Variants in MSR1 observed in about 807,000 individuals in gnomAD.
MSR1 encodes the protein macrophage scavenger receptor types I and II.
A neutral mutation model predicts 47.2 loss-of-function variants in MSR1; 53 were observed. The observed-to-expected ratio is 1.12, with a 90% CI of 0.90 to 1.41. The LOEUF (loss-of-function observed/expected upper bound fraction) is 1.41, where lower values mean the gene tolerates loss of function less well. Among genes scored for constraint, MSR1 ranks in the 40% most tolerant of loss-of-function variants. The pLI, the probability that MSR1 is intolerant of heterozygous loss-of-function variation, is 0.00. For synonymous variants in MSR1, 239 were observed against 185.6 expected (o/e 1.29, Z -2.34); for missense variants, 786 against 546.9 (o/e 1.44, Z -4.36).
chr8:16,140,560 T>C (rs1800528062), intron 8 of MSR1: 1 of 1,035,966 alleles, frequency 9.7e-7, no homozygotes, highest in African/African-American at 1.7e-5. Context: ...CACACAAGTG[T>C]TATATTGTAT....
chr8:16,133,308 G>A (rs1005521935), intron 8 of MSR1, among the ~76,000 whole-genome samples: 1 of 152,070 alleles, frequency 6.6e-6, no homozygotes, highest in Non-Finnish European at 1.5e-5. Flanking sequence ...ATTGAAAGAA[G>A]AAAAATTGGT....
chr8:16,146,687 T>C (rs1229131208), intron 7 of MSR1, among the ~76,000 whole-genome samples: 1 of 152,272 alleles, frequency 6.6e-6, no homozygotes, highest in Admixed American at 6.5e-5. Flanking sequence ...GCTACTTCTC[T>C]TCCATTTGCT....
intron 1 of MSR1, among the ~76,000 whole-genome samples, chr8:16,185,693 GC>G (rs1368153281): frequency 1.3e-5 from 2 of 151,884 alleles, no homozygotes; most frequent in Non-Finnish European, 2.9e-5. Flanking sequence ...ATCTACTCCA[GC>G]CAGGCATCTT....
intron 1 of MSR1, among the ~76,000 whole-genome samples, chr8:16,179,937 G>A (rs1275987521): frequency 6.6e-6 from 1 of 150,818 alleles, no homozygotes; most frequent in South Asian, 2.1e-4. Flanking sequence ...TTTTGAGACG[G>A]AGTCTCACTG....
intron 4 of MSR1, among the ~76,000 whole-genome samples, chr8:16,166,365 G>A (rs950155982): frequency 6.7e-6 from 1 of 150,334 alleles, no homozygotes; most frequent in Non-Finnish European, 1.5e-5. Flanking sequence ...GTTTCACTAT[G>A]TTGGCCAGAC....
At chr8:16,179,242 C>T (rs928366092) in intron 1 of MSR1, among the ~76,000 whole-genome samples, 1 of 152,108 alleles carries the variant, frequency 6.6e-6, no homozygotes, top group East Asian at 1.9e-4. Context: ...TCTGAATGAT[C>T]TGATTTGACT....
At chr8:16,121,178 AT>A in intron 8 of MSR1, 1 of 422,778 alleles carries the variant, frequency 2.4e-6, no homozygotes, top group Admixed American at 2.6e-5. Flanking sequence ...AGGTTCCTGG[AT>A]TCTGTAACAA....
At chr8:16,163,714 G>A (rs527989005) in intron 5 of MSR1, among the ~76,000 whole-genome samples, 2 of 151,756 alleles carry the variant, frequency 1.3e-5, no homozygotes, top group Admixed American at 1.3e-4. Context: ...AAAAAAGACT[G>A]GAAGTTTTGG....
chr8:16,170,078 G>T (rs373197505), intron 3 of MSR1, among the ~76,000 whole-genome samples: 6 of 152,066 alleles, frequency 3.9e-5, no homozygotes, highest in Non-Finnish European at 5.9e-5. Context: ...GGCCGGGTGC[G>T]TTGGCTCATG....
At chr8:16,170,923 G>A (rs73665245) in intron 3 of MSR1, among the ~76,000 whole-genome samples, 6,362 of 152,106 alleles carry the variant, frequency 0.042, 475 homozygotes, top group African/African-American at 0.14. Context: ...CCTCTAAAGT[G>A]CCTTGTACAT....
At chr8:16,125,893 A>G (rs1293867624) in intron 8 of MSR1, among the ~76,000 whole-genome samples, 2 of 152,060 alleles carry the variant, frequency 1.3e-5, no homozygotes, top group Non-Finnish European at 2.9e-5. Flanking sequence ...TGGCCTCCCA[A>G]GGTGATGTGA....
intron 1 of MSR1, among the ~76,000 whole-genome samples, chr8:16,182,904 ATACT>A (rs138921785): frequency 0.019 from 2,888 of 152,268 alleles, 89 homozygotes; most frequent in African/African-American, 0.066. Context: ...CAAGTATTAA[ATACT>A]TACGTAACTG....
chr8:16,190,147 C>T (rs1489209954), intron 1 of MSR1, among the ~76,000 whole-genome samples: 1 of 152,080 alleles, frequency 6.6e-6, no homozygotes. Context: ...ATCCACCCTC[C>T]TTGGCCTCCC....
intron 1 of MSR1, among the ~76,000 whole-genome samples, chr8:16,180,385 G>A (rs1385828412): frequency 1.3e-5 from 2 of 152,100 alleles, no homozygotes; most frequent in Admixed American, 6.6e-5. Context: ...CAGAGTTTCT[G>A]ATATTTGGGG....
intron 5 of MSR1, among the ~76,000 whole-genome samples, chr8:16,161,097 G>A (rs568597759): frequency 9.6e-4 from 143 of 149,202 alleles, no homozygotes; most frequent in African/African-American, 3.4e-3. Context: ...CACCAACTGA[G>A]AAGCGGATGT....
chr8:16,117,062 C>T (rs561253754), intron 9 of MSR1, among the ~76,000 whole-genome samples: 1 of 152,202 alleles, frequency 6.6e-6, no homozygotes, highest in Admixed American at 6.5e-5. Flanking sequence ...GGTCCCCAGC[C>T]CACAGACCAT....
At chr8:16,113,843 G>A (rs1294204405) in intron 9 of MSR1, among the ~76,000 whole-genome samples, 7 of 151,980 alleles carry the variant, frequency 4.6e-5, no homozygotes, top group Admixed American at 3.3e-4. Context: ...AGAAAGCATG[G>A]TATGAGAGAA....
chr8:16,148,203 AC>A (rs1800751631), intron 7 of MSR1, among the ~76,000 whole-genome samples: 1 of 152,136 alleles, frequency 6.6e-6, no homozygotes, highest in African/African-American at 2.4e-5. Context: ...TTGTTTACTT[AC>A]CACATGGCAT....
chr8:16,181,514 C>G (rs1216851367), intron 1 of MSR1, among the ~76,000 whole-genome samples: 2 of 152,072 alleles, frequency 1.3e-5, no homozygotes, highest in Non-Finnish European at 2.9e-5. Flanking sequence ...ATGGATGAAG[C>G]TGGAAACCAT....
Sources: gnomAD v4.1 joint callset for allele counts (sites outside exome capture counted in the v4.1 genomes callset) on GRCh38, gnomAD v4.1.1 for gene constraint, MANE v1.5 for transcripts, NCBI Gene and HGNC (gene_info 2026-07-23, HGNC 2026-07-21) for gene names.